QTMAN: variants seen among roughly 807,000 people sequenced by gnomAD.
The protein encoded by QTMAN is tRNA-queuosine alpha-mannosyltransferase.
chr2:144,237,959 C>T, the QTMAN span, among the ~76,000 whole-genome samples: 1 of 152,182 alleles, frequency 6.6e-6, no homozygotes. Context: ...ACATAACAGC[C>T]ATGTGAGAGA....
chr2:144,103,984 G>A, the QTMAN span, among the ~76,000 whole-genome samples: 2 of 152,158 alleles, frequency 1.3e-5, no homozygotes, highest in Admixed American at 6.5e-5. Context: ...CAGTGACTCA[G>A]GAGGCTGAGG....
chr2:144,164,691 C>CT, the QTMAN span, among the ~76,000 whole-genome samples: 1 of 152,118 alleles, frequency 6.6e-6, no homozygotes, highest in South Asian at 2.1e-4. Flanking sequence ...TTCTGTCAGT[C>CT]TTTTTTCCAA....
At chr2:144,079,215 G>A in the QTMAN span, among the ~76,000 whole-genome samples, 12 of 152,118 alleles carry the variant, frequency 7.9e-5, no homozygotes, top group African/African-American at 2.9e-4. Flanking sequence ...ACATAGTGCA[G>A]TTCATTCAAA....
chr2:143,971,664 T>C, the QTMAN span, among the ~76,000 whole-genome samples: 1 of 152,178 alleles, frequency 6.6e-6, no homozygotes, highest in Admixed American at 6.5e-5. Flanking sequence ...TTCAGACAGA[T>C]GTGGACCAGA....
At chr2:144,247,161 A>C in the QTMAN span, among the ~76,000 whole-genome samples, 1 of 152,210 alleles carries the variant, frequency 6.6e-6, no homozygotes, top group African/African-American at 2.4e-5. Context: ...GAAAAATCCC[A>C]GAAGAGGCAG....
chr2:144,081,895 A>AT, the QTMAN span, among the ~76,000 whole-genome samples: 1,610 of 151,350 alleles, frequency 0.011, 14 homozygotes, highest in Non-Finnish European at 0.017. Context: ...TCAAAGATGG[A>AT]TTTTTTTTTA....
the QTMAN span, among the ~76,000 whole-genome samples, chr2:144,016,876 G>A: frequency 2.0e-5 from 3 of 152,110 alleles, no homozygotes; most frequent in Admixed American, 1.3e-4. Context: ...AACAGAGAAG[G>A]AGATACTATA....
At chr2:144,298,620 T>C in the QTMAN span, among the ~76,000 whole-genome samples, 5 of 152,168 alleles carry the variant, frequency 3.3e-5, no homozygotes, top group Non-Finnish European at 5.9e-5. Flanking sequence ...CCACTGTCAG[T>C]GAAGGAAGGA....
chr2:144,009,189 G>A, the QTMAN span, among the ~76,000 whole-genome samples: 5 of 152,042 alleles, frequency 3.3e-5, no homozygotes, highest in Admixed American at 2.6e-4. Context: ...AAAGCTGAGG[G>A]AAAAAGAGAG....
chr2:144,105,039 T>A, the QTMAN span, among the ~76,000 whole-genome samples: 50 of 152,336 alleles, frequency 3.3e-4, no homozygotes, highest in Non-Finnish European at 5.3e-4. Context: ...GACCTGCAGC[T>A]GAGGGTCCTG....
At chr2:144,072,354 A>G in the QTMAN span, among the ~76,000 whole-genome samples, 1 of 152,190 alleles carries the variant, frequency 6.6e-6, no homozygotes, top group South Asian at 2.1e-4. Context: ...TGTCTGTGTA[A>G]AGACAATCTT....
the QTMAN span, among the ~76,000 whole-genome samples, chr2:144,004,502 A>T: frequency 6.6e-6 from 1 of 152,058 alleles, no homozygotes; most frequent in Non-Finnish European, 1.5e-5. Context: ...ATGATAAAGC[A>T]TCTACCACTA....
chr2:144,024,371 A>C, the QTMAN span, among the ~76,000 whole-genome samples: 1 of 152,228 alleles, frequency 6.6e-6, no homozygotes, highest in African/African-American at 2.4e-5. Context: ...ATGCCTTGGT[A>C]TGATGAAGTG....
At chr2:144,047,287 T>TA in the QTMAN span, among the ~76,000 whole-genome samples, 1 of 151,254 alleles carries the variant, frequency 6.6e-6, no homozygotes, top group Admixed American at 6.6e-5. Flanking sequence ...GATAAAAAAA[T>TA]AAAAAAAGAC....
At chr2:144,187,093 C>T in the QTMAN span, among the ~76,000 whole-genome samples, 1 of 152,194 alleles carries the variant, frequency 6.6e-6, no homozygotes, top group Non-Finnish European at 1.5e-5. Flanking sequence ...ATTCATACTA[C>T]TCTGTGGACA....
the QTMAN span, among the ~76,000 whole-genome samples, chr2:144,329,669 A>G: frequency 6.6e-6 from 1 of 152,212 alleles, no homozygotes; most frequent in Non-Finnish European, 1.5e-5. Flanking sequence ...CAAAATTAGC[A>G]GTGTGAAGTT....
chr2:144,199,049 CTT>C, the QTMAN span, among the ~76,000 whole-genome samples: 14 of 141,898 alleles, frequency 9.9e-5, no homozygotes, highest in South Asian at 2.2e-4. Flanking sequence ...CTGTACTGTA[CTT>C]TTTTTTTTTT....
chr2:144,176,987 T>C, the QTMAN span: 3 of 555,614 alleles, frequency 5.4e-6, no homozygotes, highest in Non-Finnish European at 9.6e-6. Context: ...CAGGTATGTC[T>C]TACATGGTCA....
At chr2:143,986,577 G>A in the QTMAN span, among the ~76,000 whole-genome samples, 2 of 152,182 alleles carry the variant, frequency 1.3e-5, no homozygotes, top group Non-Finnish European at 2.9e-5. Flanking sequence ...CTAGGTATAA[G>A]TAGTACCATC....
Sources: gnomAD v4.1 joint callset for allele counts (sites outside exome capture counted in the v4.1 genomes callset) on GRCh38, gnomAD v4.1.1 for gene constraint, MANE v1.5 for transcripts, NCBI Gene and HGNC (gene_info 2026-07-23, HGNC 2026-07-21) for gene names.